XKR9: variants seen among roughly 807,000 people sequenced by gnomAD.
XKR9 encodes XK-related protein 9.
In XKR9, 32 loss-of-function variants were observed where a neutral mutation model predicts 32.0. That is an observed-to-expected ratio of 1.00 (90% confidence interval 0.76 to 1.34). XKR9 has a LOEUF of 1.34. Ranked by LOEUF, XKR9 falls within the 40% of genes most tolerant of loss-of-function variation. The probability of loss-of-function intolerance (pLI) is 0.00; values close to 1 mark genes in which losing one functional copy is unlikely to be tolerated. For synonymous variants in XKR9, 168 were observed against 143.4 expected, an observed-to-expected ratio of 1.17 and a Z score of -1.22; for missense variants, 546 against 429.7, an observed-to-expected ratio of 1.27 and a Z score of -2.39.
chr8:70,859,873 T>C, the XKR9 span, among the ~76,000 whole-genome samples: 1 of 152,090 alleles, frequency 6.6e-6, no homozygotes, highest in Non-Finnish European at 1.5e-5. Flanking sequence ...GGTTGCTTAA[T>C]GGGTGCAAAT....
intron 2 of XKR9, among the ~76,000 whole-genome samples, chr8:70,746,502 G>C (rs1027773006): frequency 1.3e-5 from 2 of 149,230 alleles, no homozygotes; most frequent in Non-Finnish European, 3.0e-5. Context: ...GGAATATAAA[G>C]ATCACAGAGT....
the XKR9 span, among the ~76,000 whole-genome samples, chr8:70,981,549 A>G: frequency 2.7e-4 from 41 of 152,100 alleles, no homozygotes; most frequent in African/African-American, 9.9e-4. Context: ...CATATTCTGT[A>G]TCATGTTTTT....
At chr8:70,985,477 G>T in the XKR9 span, among the ~76,000 whole-genome samples, 1 of 152,158 alleles carries the variant, frequency 6.6e-6, no homozygotes, top group Non-Finnish European at 1.5e-5. Context: ...TGAATCTTAG[G>T]TGACATCATC....
At chr8:70,746,358 A>G (rs1807058884) in intron 2 of XKR9, among the ~76,000 whole-genome samples, 1 of 147,956 alleles carries the variant, frequency 6.8e-6, no homozygotes, top group African/African-American at 2.4e-5. Context: ...GAATATAAAG[A>G]ATATAATTAT....
chr8:70,894,016 G>A, the XKR9 span, among the ~76,000 whole-genome samples: 1 of 152,110 alleles, frequency 6.6e-6, no homozygotes, highest in Non-Finnish European at 1.5e-5. Context: ...GTTGGTTGTA[G>A]CTGTTATTAT....
chr8:70,870,032 C>T, the XKR9 span, among the ~76,000 whole-genome samples: 2 of 152,164 alleles, frequency 1.3e-5, no homozygotes, highest in East Asian at 3.8e-4. Context: ...GAGGCTGGGA[C>T]TGCTAATTTT....
chr8:70,855,782 G>A, the XKR9 span, among the ~76,000 whole-genome samples: 1 of 152,212 alleles, frequency 6.6e-6, no homozygotes, highest in Non-Finnish European at 1.5e-5. Flanking sequence ...TGATCTCTTG[G>A]CAGAAACTCT....
chr8:70,723,187 A>G (rs556288021), intron 4 of XKR9, among the ~76,000 whole-genome samples: 5 of 152,254 alleles, frequency 3.3e-5, no homozygotes, highest in African/African-American at 9.6e-5. Context: ...TATTCTAGTT[A>G]GCAGTTCCTG....
intron 3 of XKR9, among the ~76,000 whole-genome samples, chr8:70,692,127 C>T (rs1343554769): frequency 2.0e-5 from 3 of 151,920 alleles, no homozygotes; most frequent in Non-Finnish European, 4.4e-5. Context: ...TTTTTTACAT[C>T]CCTGGTTAGC....
the XKR9 span, among the ~76,000 whole-genome samples, chr8:70,989,081 G>C: frequency 6.6e-6 from 1 of 152,140 alleles, no homozygotes; most frequent in Non-Finnish European, 1.5e-5. Flanking sequence ...CATTTGGGTT[G>C]CTTCTACCTC....
the XKR9 span, among the ~76,000 whole-genome samples, chr8:70,953,431 C>A: frequency 6.6e-6 from 1 of 152,184 alleles, no homozygotes; most frequent in Non-Finnish European, 1.5e-5. Flanking sequence ...CCTACCACAG[C>A]TTTCTCAGTA....
chr8:70,815,612 G>A, the XKR9 span, among the ~76,000 whole-genome samples: 3,805 of 151,660 alleles, frequency 0.025, 163 homozygotes, highest in African/African-American at 0.085. Context: ...TGCAAGCTCC[G>A]CCTCCCGGGT....
chr8:70,706,881 C>G, intron 3 of XKR9, 52 bp from the exon 4 acceptor site: 1 of 1,416,334 alleles, frequency 7.1e-7, no homozygotes, highest in Non-Finnish European at 9.7e-7. Context: ...TATTAACAGA[C>G]ATGTTACAAA....
At chr8:70,755,419 A>T (rs1263209840) in intron 2 of XKR9, among the ~76,000 whole-genome samples, 2 of 152,232 alleles carry the variant, frequency 1.3e-5, no homozygotes, top group Admixed American at 1.3e-4. Flanking sequence ...GTATATACCC[A>T]AAGGACTATA....
intron 2 of XKR9, among the ~76,000 whole-genome samples, chr8:70,747,297 G>C (rs1487632822): frequency 6.6e-6 from 1 of 152,166 alleles, no homozygotes; most frequent in African/African-American, 2.4e-5. Context: ...TGGGTTGAAT[G>C]GTAATTCTGC....
chr8:71,046,526 G>A, the XKR9 span, among the ~76,000 whole-genome samples: 3 of 152,166 alleles, frequency 2.0e-5, no homozygotes, highest in Non-Finnish European at 4.4e-5. Flanking sequence ...GATTCAGTAG[G>A]TATCATTGTG....
chr8:70,853,539 A>T, the XKR9 span, among the ~76,000 whole-genome samples: 1 of 151,784 alleles, frequency 6.6e-6, no homozygotes, highest in South Asian at 2.1e-4. Context: ...CAAAAAAAAG[A>T]CATTCTTTTT....
the XKR9 span, among the ~76,000 whole-genome samples, chr8:70,950,714 C>T: frequency 6.6e-6 from 1 of 151,926 alleles, no homozygotes; most frequent in Non-Finnish European, 1.5e-5. Flanking sequence ...CACTCTGTTC[C>T]TCAGTCTGGG....
At chr8:70,845,511 G>A in the XKR9 span, among the ~76,000 whole-genome samples, 3 of 152,236 alleles carry the variant, frequency 2.0e-5, no homozygotes, top group African/African-American at 4.8e-5. Flanking sequence ...TGAGACACAA[G>A]AGAACACAGA....
Sources: allele counts gnomAD v4.1 joint callset (sites outside exome capture counted in the v4.1 genomes callset), GRCh38; gene constraint gnomAD v4.1.1; transcripts MANE v1.5; gene names NCBI Gene and HGNC (gene_info 2026-07-23, HGNC 2026-07-21).